Variants in TRIM2 observed in about 807,000 individuals in gnomAD.
TRIM2 encodes tripartite motif-containing protein 2.
In TRIM2, 20 loss-of-function variants were observed where a neutral mutation model predicts 75.2. That is an observed-to-expected ratio of 0.27 (90% CI 0.19 to 0.39). The LOEUF is 0.39. Among genes scored for constraint, TRIM2 ranks in the 10% least tolerant of loss-of-function variants. The probability of loss-of-function intolerance (pLI) is 1.00; values close to 1 mark genes in which losing one functional copy is unlikely to be tolerated. For synonymous variants in TRIM2, 373 were observed against 388.3 expected (o/e 0.96, Z 0.46); for missense variants, 660 against 990.8 (o/e 0.67, Z 4.48).
upstream of TRIM2, among the ~76,000 whole-genome samples, chr4:153,202,499 T>C (rs1337757437): frequency 2.0e-5 from 3 of 149,126 alleles, no homozygotes; most frequent in Non-Finnish European, 4.5e-5. Flanking sequence ...GATCCAGCCA[T>C]CCTGGCTGAA....
At chr4:153,210,097 C>A (rs1488528972) in intron 1 of TRIM2, among the ~76,000 whole-genome samples, 2 of 133,622 alleles carry the variant, frequency 1.5e-5, no homozygotes, top group African/African-American at 3.0e-5. Flanking sequence ...TGGAGTCTCA[C>A]TCTGTTGCCC....
chr4:153,163,495 CTTTTTTT>C (rs70949644), intron 1 of TRIM2, among the ~76,000 whole-genome samples: 2 of 98,680 alleles, frequency 2.0e-5, no homozygotes, highest in East Asian at 3.1e-4. Flanking sequence ...AGATTTACAT[CTTTTTTT>C]TTTTTTTTTT....
intron 11 of TRIM2, among the ~76,000 whole-genome samples, chr4:153,333,154 A>T (rs1036601515): frequency 6.6e-6 from 1 of 152,228 alleles, no homozygotes; most frequent in Non-Finnish European, 1.5e-5. Context: ...GAACAGACTA[A>T]TGATACACTC....
At chr4:153,319,261 A>G (rs191871255) in intron 8 of TRIM2, among the ~76,000 whole-genome samples, 20 of 152,244 alleles carry the variant, frequency 1.3e-4, no homozygotes, top group Admixed American at 1.3e-3. Context: ...AATTTATTCT[A>G]TCTTCCCCAC....
At chr4:153,164,252 A>T (rs1035231844) in intron 1 of TRIM2, among the ~76,000 whole-genome samples, 2 of 151,952 alleles carry the variant, frequency 1.3e-5, no homozygotes, top group African/African-American at 4.8e-5. Flanking sequence ...AATCTTCCTA[A>T]CTCAGTCTCC....
chr4:153,213,851 G>T (rs1437870832), intron 1 of TRIM2, among the ~76,000 whole-genome samples: 1 of 152,068 alleles, frequency 6.6e-6, no homozygotes. Flanking sequence ...ACTATTTAAC[G>T]AATTTAATCT....
intron 1 of TRIM2, among the ~76,000 whole-genome samples, chr4:153,221,177 T>C (rs1739868470): frequency 1.3e-5 from 2 of 152,236 alleles, no homozygotes; most frequent in Admixed American, 1.3e-4. Flanking sequence ...CATGAAGTAC[T>C]GACACATGCT....
At chr4:153,231,540 G>A (rs1743608685) in intron 1 of TRIM2, among the ~76,000 whole-genome samples, 1 of 152,142 alleles carries the variant, frequency 6.6e-6, no homozygotes. Context: ...CTGATGGGAG[G>A]AGGGACTGAG....
intron 1 of TRIM2, among the ~76,000 whole-genome samples, chr4:153,236,371 C>T (rs1017056132): frequency 2.6e-5 from 4 of 152,156 alleles, no homozygotes; most frequent in Non-Finnish European, 4.4e-5. Flanking sequence ...TCCTTACTCC[C>T]TCACTGTGCC....
In TRIM2 at chr4:153,295,428, A is replaced by G. The variant is rs2150143329; in HGVS notation, c.902A>G (p.Lys301Arg). The change falls in exon 6 of 12, where the codon AAG (lysine) becomes AGG (arginine). Residue 301 changes from lysine to arginine, a missense_variant. By Grantham distance (26) the Lys-to-Arg change is conservative. Coordinates refer to ENST00000338700, the MANE Select transcript of TRIM2 (RefSeq NM_015271.5). This position sits in a 1 kb window ranked among gnomAD's most constrained non-coding sequence, Gnocchi z 7.2. ...HGTETEVLLV[K>R]KQMSEKLNEL... ...ACGGAGACCGAGGTCCTACTGGTGA[A>G]GAAGCAGATGAGCGAGAAGCTGAAC... 3 of 1,614,210 alleles carry G rather than the reference A, an allele frequency of 1.9e-6. No homozygotes were observed. Among genetic ancestry groups the G allele is most frequent in the South Asian group, 2.2e-5 (2 of 91,088 alleles).
chr4:153,232,134 C>T (rs1245638097), intron 1 of TRIM2, among the ~76,000 whole-genome samples: 1 of 152,186 alleles, frequency 6.6e-6, no homozygotes, highest in Non-Finnish European at 1.5e-5. Flanking sequence ...TTTCCAAATA[C>T]AGTCACAATC....
intron 6 of TRIM2, among the ~76,000 whole-genome samples, chr4:153,296,686 T>C (rs750316028): frequency 1.3e-5 from 2 of 152,248 alleles, no homozygotes; most frequent in African/African-American, 2.4e-5. Flanking sequence ...GAGTTAGGAA[T>C]GCAAATAGCC....
chr4:153,228,478 G>A (rs911258239), intron 1 of TRIM2, among the ~76,000 whole-genome samples: 3 of 152,202 alleles, frequency 2.0e-5, no homozygotes, highest in African/African-American at 4.8e-5. Flanking sequence ...CTGGATGTTC[G>A]GATCTGGGTT....
At chr4:153,280,600 G>A (rs541066560) in intron 3 of TRIM2, among the ~76,000 whole-genome samples, 1 of 152,018 alleles carries the variant, frequency 6.6e-6, no homozygotes, top group Admixed American at 6.5e-5. Flanking sequence ...CAGGCTGGTT[G>A]CAAACTGGCC....
At chr4:153,306,654 A>G (rs922840868) in intron 6 of TRIM2, among the ~76,000 whole-genome samples, 1 of 152,226 alleles carries the variant, frequency 6.6e-6, no homozygotes, top group African/African-American at 2.4e-5. Context: ...GCTACTTACA[A>G]TTCTTAGTAG....
intron 1 of TRIM2, among the ~76,000 whole-genome samples, chr4:153,179,853 G>A (rs935183930): frequency 1.3e-5 from 2 of 152,210 alleles, no homozygotes; most frequent in East Asian, 1.9e-4. Flanking sequence ...CACAACGGGA[G>A]CCTCTATTTA....
chr4:153,232,271 G>T (rs1560852571), intron 1 of TRIM2, among the ~76,000 whole-genome samples: 1 of 152,140 alleles, frequency 6.6e-6, no homozygotes, highest in Non-Finnish European at 1.5e-5. Context: ...CCAGCACTTT[G>T]GGAGGCCGAG....
At chr4:153,243,887 C>T (rs756854637) in intron 1 of TRIM2, among the ~76,000 whole-genome samples, 3 of 143,698 alleles carry the variant, frequency 2.1e-5, no homozygotes, top group Non-Finnish European at 3.0e-5. Flanking sequence ...GGCACAATCA[C>T]TGCTTGCTGC....
chr4:153,251,242 G>A (rs1750801032), intron 1 of TRIM2, among the ~76,000 whole-genome samples: 1 of 152,168 alleles, frequency 6.6e-6, no homozygotes, highest in African/African-American at 2.4e-5. Flanking sequence ...GCCTCACCAG[G>A]GCTACTGCCA....
Sources: allele counts gnomAD v4.1 joint callset (sites outside exome capture counted in the v4.1 genomes callset), GRCh38; gene constraint gnomAD v4.1.1; non-coding constraint Gnocchi (gnomAD v3.1); transcripts MANE v1.5; gene names NCBI Gene and HGNC (gene_info 2026-07-23, HGNC 2026-07-21).